NR5A1: variants seen among roughly 807,000 people sequenced by gnomAD.
The protein encoded by NR5A1 is steroidogenic factor 1.
A neutral mutation model predicts 42.7 loss-of-function variants in NR5A1; 6 were observed. The observed-to-expected ratio is 0.14, with a 90% CI of 0.08 to 0.28. The LOEUF is 0.28. Ranked by LOEUF, NR5A1 falls within the 10% of genes least tolerant of loss-of-function variation. The pLI, the probability that NR5A1 is intolerant of heterozygous loss-of-function variation, is 1.00. For synonymous variants in NR5A1, 274 were observed against 277.5 expected, an observed-to-expected ratio of 0.99 and a Z score of 0.12; for missense variants, 442 against 626.4, an observed-to-expected ratio of 0.71 and a Z score of 3.14.
chr9:124,491,017 A>ACCCCCCCCCCCCC, intron 6 of NR5A1, 64 bp downstream of exon 6: 24 of 457,440 alleles, frequency 5.2e-5, no homozygotes, highest in South Asian at 1.2e-4. Flanking sequence ...CTCCAGCCTC[A>ACCCCCCCCCCCCC]CCCACCCTCC....
intron 3 of NR5A1, among the ~76,000 whole-genome samples, chr9:124,502,018 C>T (rs1011655970): frequency 6.6e-6 from 1 of 152,180 alleles, no homozygotes; most frequent in African/African-American, 2.4e-5. Context: ...CTGCCCGGCC[C>T]CCTCAGGGCC....
Position 124,482,911 on chromosome 9 carries a change from G to A in NR5A1, c.1233C>T (p.His411=), listed in dbSNP as rs1424414441. The change falls in exon 7 of 7, where the codon CAC becomes CAT. Residue 411 remains histidine, a synonymous_variant. Coordinates refer to ENST00000373588, the MANE Select transcript of NR5A1 (RefSeq NM_004959.5). ...GCAGCTGCTGGAATTTGTCCCCGCA[G>A]TGCGGGTAGTGGCACAGGGTGTAGT... The part of the protein sequence containing the change: ...LLDYTLCHYP[H]CGDKFQQLLL... 3 of 1,614,094 alleles carry A rather than the reference G, an allele frequency of 1.9e-6. No individual in the cohort carries two copies. Among genetic ancestry groups the A allele is most frequent in the Non-Finnish European group, 1.7e-6 (2 of 1,180,050 alleles).
At chr9:124,492,935 G>A (rs542394692) in intron 5 of NR5A1, 95 bp downstream of exon 5, 12 of 1,388,584 alleles carry the variant, frequency 8.6e-6, no homozygotes, top group Admixed American at 2.6e-5. Flanking sequence ...AGCCAGCCCC[G>A]AGAGGCCTGG....
In NR5A1 at chr9:124,496,166, C is replaced by G. The variant is rs1832387674; in HGVS notation, c.871-3017G>C. 6.6e-6 allele frequency among the ~76,000 whole-genome samples: 1 copy of G among 150,822 alleles called. No homozygotes were observed. Among genetic ancestry groups the G allele is most frequent in the Non-Finnish European group, 1.5e-5 (1 of 67,940 alleles). On this transcript the variant is annotated intron_variant, in intron 4 of 6. Coordinates refer to ENST00000373588, the MANE Select transcript of NR5A1 (RefSeq NM_004959.5). This position sits in a 1 kb window ranked among gnomAD's most constrained non-coding sequence, Gnocchi z 5.0. ...AAGACACCAAACTCCAAAACACTCC[C>G]CACACAGATGAGAATGCGCACACAC...
chr9:124,491,036 C>CCCCCCCCAGCGGG, intron 6 of NR5A1, 45 bp downstream of exon 6: 1 of 1,401,602 alleles, frequency 7.1e-7, no homozygotes, highest in Non-Finnish European at 9.6e-7. Flanking sequence ...CCCACCCACC[C>CCCCCCCCAGCGGG]GCCTCTGGCT....
chr9:124,506,870 CAGAG>C (rs905506629), intron 1 of NR5A1: 14 of 152,808 alleles, frequency 9.2e-5, no homozygotes, highest in African/African-American at 2.9e-4. Context: ...CAGCAAGACT[CAGAG>C]AGAGCCACAG....
Position 124,500,379 on chromosome 9 carries a change from T to C in NR5A1, c.581A>G (p.Lys194Arg). ...LYPAFPGRAI[K>R]SEYPEPYASP... ...GGCATAAGGCTCCGGGTACTCAGACTTGATGGCACGGCCAGGAAAGGCAGG... is the reference window on the plus strand; with the variant it reads ...GGCATAAGGCTCCGGGTACTCAGACCTGATGGCACGGCCAGGAAAGGCAGG... Residue 194 changes from lysine to arginine, a missense_variant, in exon 4 of 7, where the codon AAG (lysine) becomes AGG (arginine). Lys to Arg is a conservative substitution (Grantham distance 26). Around this residue, in one of 3 missense-constraint regions of NR5A1, gnomAD observed 208 missense variants for 203.8 expected, o/e 1.02. Transcript: ENST00000373588. This position sits in a 1 kb window ranked among gnomAD's most constrained non-coding sequence, Gnocchi z 6.9. The C allele has an allele frequency of 6.4e-7, 1 of 1,557,866 alleles. No individual in the cohort carries two copies. The highest frequency in any genetic ancestry group is 8.7e-7 in the Non-Finnish European group (1 of 1,151,380).
chr9:124,484,059 A>C (rs138408328), intron 6 of NR5A1, among the ~76,000 whole-genome samples: 1 of 152,158 alleles, frequency 6.6e-6, no homozygotes, highest in South Asian at 2.1e-4. Flanking sequence ...ACATTACCCT[A>C]CAGTTGGCAA....
Position 124,500,303 on chromosome 9 carries a change from T to G in NR5A1, c.657A>C (p.Gly219=). The change falls in exon 4 of 7, where the codon GGA becomes GGC. Residue 219 remains glycine, a synonymous_variant. Coordinates refer to ENST00000373588, the MANE Select transcript of NR5A1 (RefSeq NM_004959.5). The surrounding 1 kb of genome is among the most constrained non-coding windows in gnomAD (Gnocchi z 6.9). The part of the protein sequence containing the change: ...LPYGYPEPFS[G]GPNVPELILQ... ...GGATGAGCTCAGGCACGTTGGGCCCTCCAGAGAAGGGCTCTGGGTAGCCGT... is the reference window on the plus strand; with the variant it reads ...GGATGAGCTCAGGCACGTTGGGCCCGCCAGAGAAGGGCTCTGGGTAGCCGT... 6.4e-7 allele frequency: 1 copy of G among 1,563,832 alleles called. No homozygotes were observed. Among genetic ancestry groups the G allele is most frequent in the Non-Finnish European group, 8.7e-7 (1 of 1,154,566 alleles).
intron 6 of NR5A1, among the ~76,000 whole-genome samples, chr9:124,484,623 G>A (rs143481025): frequency 3.3e-4 from 50 of 152,168 alleles, no homozygotes; most frequent in Admixed American, 3.9e-4. Flanking sequence ...GCATGGTGGC[G>A]CGCACCTGTA....
At chr9:124,487,478 T>C (rs1832233991) in intron 6 of NR5A1, among the ~76,000 whole-genome samples, 1 of 152,250 alleles carries the variant, frequency 6.6e-6, no homozygotes, top group Admixed American at 6.5e-5. Flanking sequence ...GCCGGGCCCA[T>C]CTTCATAAAT....
rs1286539409 is a variant in NR5A1, at chr9:124,500,724, AG to A, written c.245-10del. ...ACGGTCAGCGCGCACGGCTGTGGGC[AG>A]GGGCAGAGGGTCAGACTCACCCTCT... On this transcript the variant is annotated splice_polypyrimidine_tract_variant and intron_variant, in intron 3 of 6. Coordinates refer to ENST00000373588, the MANE Select transcript of NR5A1 (RefSeq NM_004959.5). This position sits in a 1 kb window ranked among gnomAD's most constrained non-coding sequence, Gnocchi z 6.9. 2 of 1,612,450 alleles carry A rather than the reference AG, an allele frequency of 1.2e-6. No homozygotes were observed. Among genetic ancestry groups the A allele is most frequent in the Admixed American group, 1.7e-5 (1 of 60,004 alleles).
chr9:124,506,451 A>G (rs1748020847), intron 1 of NR5A1, among the ~76,000 whole-genome samples: 1 of 152,070 alleles, frequency 6.6e-6, no homozygotes. Context: ...GCTCCCCACC[A>G]CAATGGAGCC....
chr9:124,493,664 C>T (rs150037291), intron 4 of NR5A1, among the ~76,000 whole-genome samples: 259 of 152,356 alleles, frequency 1.7e-3, no homozygotes, highest in African/African-American at 5.6e-3. Context: ...GGGCTTCCCC[C>T]CCGGGCCTAC....
intron 6 of NR5A1, among the ~76,000 whole-genome samples, chr9:124,490,452 A>AGTGAGGTG (rs766508535): frequency 1.4e-4 from 21 of 152,042 alleles, no homozygotes; most frequent in Non-Finnish European, 2.8e-4. Flanking sequence ...GTGCTTGGGG[A>AGTGAGGTG]GTGAGGTGGG....
At chr9:124,486,974 C>T (rs1346391568) in intron 6 of NR5A1, among the ~76,000 whole-genome samples, 1 of 152,230 alleles carries the variant, frequency 6.6e-6, no homozygotes, top group Non-Finnish European at 1.5e-5. Context: ...CACAGGGTGG[C>T]AAGGAGCTGG....
chr9:124,493,463 C>T (rs2131280294), intron 4 of NR5A1, among the ~76,000 whole-genome samples: 1 of 152,364 alleles, frequency 6.6e-6, no homozygotes, highest in Non-Finnish European at 1.5e-5. Context: ...ACTGAGCGGA[C>T]AGTCCAGTAC....
chr9:124,488,368 C>G (rs1030375612), intron 6 of NR5A1, among the ~76,000 whole-genome samples: 1 of 152,142 alleles, frequency 6.6e-6, no homozygotes, highest in South Asian at 2.1e-4. Context: ...AGCTGGGGTC[C>G]TGGAATCTCC....
chr9:124,503,087 C>T lies in NR5A1; in HGVS notation c.236G>A (p.Arg79His). ...RFQKCLTVGM[R>H]LEAVRADRMR... ...GCCCGCGCGGCGCGCACCTTCCAGG[C>T]GCATCCCCACCGTCAGGCATTTCTG... Residue 79 changes from arginine (R) to histidine (H), a missense_variant, in exon 3 of 7, where the codon CGC (arginine) becomes CAC (histidine). Transcript: ENST00000373588. The surrounding 1 kb of genome is among the most constrained non-coding windows in gnomAD (Gnocchi z 9.6). 6.3e-7 allele frequency: 1 copy of T among 1,581,674 alleles called. No homozygotes were observed. Among genetic ancestry groups the T allele is most frequent in the South Asian group, 1.1e-5 (1 of 87,058 alleles).
Sources: allele counts gnomAD v4.1 joint callset (sites outside exome capture counted in the v4.1 genomes callset), GRCh38; gene constraint gnomAD v4.1.1; regional missense constraint gnomAD v4.1.1; non-coding constraint Gnocchi (gnomAD v3.1); transcripts MANE v1.5; gene names NCBI Gene and HGNC (gene_info 2026-07-23, HGNC 2026-07-21).